PTGFR: variants seen among roughly 807,000 people sequenced by gnomAD.
PTGFR encodes the protein prostaglandin F receptor, also known as prostaglandin F2-alpha receptor.
PTGFR carries 15 observed loss-of-function variants against 26.2 expected under a neutral mutation model. The ratio of observed to expected loss-of-function variants is 0.57; its 90% CI spans 0.38 to 0.88. The LOEUF (loss-of-function observed/expected upper bound fraction) is 0.88. Ranked by LOEUF, PTGFR falls within the 40% of genes least tolerant of loss-of-function variation. The pLI, the probability that PTGFR is intolerant of heterozygous loss-of-function variation, is 0.00. For synonymous variants in PTGFR, 165 were observed against 151.1 expected (o/e 1.09, Z -0.68); for missense variants, 369 against 427.2 (o/e 0.86, Z 1.20).
At chr1:78,510,003 A>G (rs1649927070) in intron 2 of PTGFR, among the ~76,000 whole-genome samples, 1 of 152,192 alleles carries the variant, frequency 6.6e-6, no homozygotes, top group South Asian at 2.1e-4. Context: ...TAAAAATTCA[A>G]ACTTAAATCA....
chr1:78,524,892 T>C lies in PTGFR; in HGVS notation c.799-11514T>C, dbSNP rs182869571. On this transcript the variant is annotated intron_variant, in intron 2 of 2. Coordinates refer to ENST00000370757, the MANE Select transcript of PTGFR (RefSeq NM_000959.4). ...TAACTTCATCTAAAGCTCTACACTT[T>C]GGACAAATGCAAGATTTTTTTTTTT... Among the ~76,000 whole-genome samples, 21 of 148,732 alleles carry C rather than the reference T, an allele frequency of 1.4e-4. No homozygotes were observed. In the Admixed American group the frequency reaches 1.4e-3, roughly 10 times the overall value.
chr1:78,502,524 G>A (rs1401852191), intron 2 of PTGFR, among the ~76,000 whole-genome samples: 1 of 152,106 alleles, frequency 6.6e-6, no homozygotes, highest in Non-Finnish European at 1.5e-5. Context: ...ACTTAAAATA[G>A]TGTTTGACAT....
intron 2 of PTGFR, among the ~76,000 whole-genome samples, chr1:78,515,189 A>T (rs1349874728): frequency 6.6e-6 from 1 of 152,138 alleles, no homozygotes; most frequent in Non-Finnish European, 1.5e-5. Context: ...CAATTAAAGC[A>T]CACTGGAATG....
At chr1:78,535,913 C>G (rs35886379) in intron 2 of PTGFR, among the ~76,000 whole-genome samples, 21,522 of 152,128 alleles carry the variant, frequency 0.14, 1,659 homozygotes, top group Non-Finnish European at 0.18. Context: ...AAATTGAAGA[C>G]AGTGGTATCC....
At chr1:78,491,646 T>C (rs1178739811) in intron 1 of PTGFR, among the ~76,000 whole-genome samples, 1 of 152,296 alleles carries the variant, frequency 6.6e-6, no homozygotes, top group East Asian at 1.9e-4. Flanking sequence ...TTGGAGGGAA[T>C]GTTGCGAGGC....
intron 2 of PTGFR, among the ~76,000 whole-genome samples, chr1:78,525,788 C>T (rs2100391664): frequency 6.6e-6 from 1 of 152,068 alleles, no homozygotes; most frequent in African/African-American, 2.4e-5. Flanking sequence ...TCCAAGGTGT[C>T]CACCAGAACT....
intron 2 of PTGFR, among the ~76,000 whole-genome samples, chr1:78,505,546 A>G (rs1401427684): frequency 6.6e-6 from 1 of 152,182 alleles, no homozygotes; most frequent in Admixed American, 6.5e-5. Flanking sequence ...GAAAATTTAC[A>G]TAATATAACA....
At chr1:78,519,256 T>C (rs1650168431) in intron 2 of PTGFR, among the ~76,000 whole-genome samples, 1 of 152,160 alleles carries the variant, frequency 6.6e-6, no homozygotes, top group African/African-American at 2.4e-5. Context: ...TAGCCTATTG[T>C]AGTGTGCAGA....
chr1:78,533,783 C>T (rs1650580264), intron 2 of PTGFR, among the ~76,000 whole-genome samples: 1 of 152,144 alleles, frequency 6.6e-6, no homozygotes, highest in Non-Finnish European at 1.5e-5. Context: ...AAAACCTTAG[C>T]AAACATGGGC....
intron 2 of PTGFR, among the ~76,000 whole-genome samples, chr1:78,501,767 C>T (rs1440241871): frequency 6.6e-6 from 1 of 152,118 alleles, no homozygotes; most frequent in Non-Finnish European, 1.5e-5. Flanking sequence ...CTCAGCCTCA[C>T]CACTTCTTAG....
chr1:78,503,782 C>G (rs1005135791), intron 2 of PTGFR, among the ~76,000 whole-genome samples: 1 of 152,150 alleles, frequency 6.6e-6, no homozygotes, highest in Non-Finnish European at 1.5e-5. Context: ...CTTAGTAATA[C>G]TGAAGGAACC....
intron 2 of PTGFR, among the ~76,000 whole-genome samples, chr1:78,522,388 A>G (rs370824203): frequency 6.6e-6 from 1 of 152,084 alleles, no homozygotes; most frequent in East Asian, 1.9e-4. Flanking sequence ...CATGGGAATC[A>G]TATCTCATTA....
chr1:78,530,660 A>T lies in PTGFR; in HGVS notation c.799-5746A>T, dbSNP rs548096713. 5.3e-5 allele frequency among the ~76,000 whole-genome samples: 8 copies of T among 152,296 alleles called. No individual in the cohort carries two copies. The East Asian group carries it at 1.5e-3, about 29-fold the overall frequency. On this transcript the variant is annotated intron_variant, in intron 2 of 2. Coordinates refer to ENST00000370757, the MANE Select transcript of PTGFR (RefSeq NM_000959.4). Reference sequence around the variant, plus strand: ...AAGTAGAGATAATACTGCTTCTCTCAGAGGTGTAGCAGGATTAAATGAGAT... The same window carrying T: ...AAGTAGAGATAATACTGCTTCTCTCTGAGGTGTAGCAGGATTAAATGAGAT...
At position 78,525,861 on chromosome 1, in the gene PTGFR, G is replaced by C. The variant is rs2100391794; in HGVS notation, c.799-10545G>C. 1.3e-5 allele frequency among the ~76,000 whole-genome samples: 2 copies of C among 152,156 alleles called. 1 individual carries two copies. The highest frequency in any genetic ancestry group is 4.2e-4 in the South Asian group (2 of 4,818). On this transcript the variant is annotated intron_variant, in intron 2 of 2. Coordinates refer to ENST00000370757, the MANE Select transcript of PTGFR (RefSeq NM_000959.4). ...CTTAGAGGCTCCCTTCCAGGAACCA[G>C]GGACAATGACCAGTCAAACTCTTTA...
chr1:78,491,184 C>A lies in PTGFR; in HGVS notation c.-125C>A, dbSNP rs1649385110. 1 of 152,370 alleles carries A rather than the reference C, an allele frequency of 6.6e-6. No individual in the cohort carries two copies. Among genetic ancestry groups the A allele is most frequent in the African/African-American group, 2.4e-5 (1 of 41,472 alleles). The allele number at this position is 152,370 out of a possible 1,614,324, so 9.4% of individuals were successfully genotyped here. On this transcript the variant is annotated 5_prime_UTR_variant, in exon 1 of 3. Transcript: ENST00000370757. The stretch of plus-strand genomic sequence containing the variant: ...GCGCGGGGCGCCATGGCACACCGAG[C>A]GGCTCCGTCTTCTGCTCCTCAGAGA...
chr1:78,528,983 T>C (rs1435871674), intron 2 of PTGFR, among the ~76,000 whole-genome samples: 1 of 152,140 alleles, frequency 6.6e-6, no homozygotes, highest in Non-Finnish European at 1.5e-5. Flanking sequence ...ATTTCAGTAA[T>C]GGATAGATGC....
Position 78,492,814 on chromosome 1 carries a change from C to T in PTGFR, c.71C>T (p.Thr24Met), listed in dbSNP as rs1649440282. The T allele has an allele frequency of 2.5e-6, 4 of 1,614,182 alleles. No homozygotes were observed. The highest frequency in any genetic ancestry group is 2.5e-6 in the Non-Finnish European group (3 of 1,180,042). ...CTTCTTTCAAACACAACCTGCCAGA[C>T]GGAAAACCGGCTTTCCGTATTTTTT... ...AALLSNTTCQTENRLSVFFSV... is the reference protein window; with the variant it reads ...AALLSNTTCQMENRLSVFFSV... The change falls in exon 2 of 3, where the codon ACG becomes ATG. Residue 24 changes from threonine to methionine, a missense_variant. Physicochemically the swap from Thr to Met is moderately conservative, Grantham distance 81. Coordinates refer to ENST00000370757, the MANE Select transcript of PTGFR (RefSeq NM_000959.4).
At chr1:78,530,375 C>T (rs1020667032) in intron 2 of PTGFR, among the ~76,000 whole-genome samples, 2 of 152,080 alleles carry the variant, frequency 1.3e-5, no homozygotes, top group Non-Finnish European at 1.5e-5. Flanking sequence ...CCAGTTCCTA[C>T]TTTTTTAAAA....
chr1:78,514,611 G>A lies in PTGFR; in HGVS notation c.798+21070G>A, dbSNP rs541438803. ...CTTTGGAGGACTATTGCGAAGGCTT[G>A]ACTGTATTTTGAAATGTGAGAAGGA... On this transcript the variant is annotated intron_variant, in intron 2 of 2. Transcript: ENST00000370757. Among the ~76,000 whole-genome samples the A allele has an allele frequency of 7.2e-5, 11 of 151,988 alleles. No individual in the cohort carries two copies. In the South Asian group the frequency reaches 1.7e-3, roughly 23 times the overall value.
Sources: allele counts gnomAD v4.1 joint callset (sites outside exome capture counted in the v4.1 genomes callset), GRCh38; gene constraint gnomAD v4.1.1; transcripts MANE v1.5; gene names NCBI Gene and HGNC (gene_info 2026-07-23, HGNC 2026-07-21).